The following DOCK2 variants were observed in gnomAD, a reference collection of about 807,000 sequenced individuals.
DOCK2 encodes dedicator of cytokinesis protein 2.
Under a neutral mutation model 248.9 loss-of-function variants are expected in DOCK2, and 87 were observed. That is an observed-to-expected ratio of 0.35 (90% CI 0.29 to 0.42). DOCK2 has a LOEUF of 0.42. Among genes scored for constraint, DOCK2 ranks in the 10% least tolerant of loss-of-function variants. The probability of loss-of-function intolerance (pLI) is 1.00; values close to 1 mark genes in which losing one functional copy is unlikely to be tolerated. For synonymous variants in DOCK2, 805 were observed against 821.6 expected (o/e 0.98, Z 0.35); for missense variants, 1,747 against 2,300.2 (o/e 0.76, Z 4.92).
At chr5:170,033,559 C>T (rs2113836416) in intron 34 of DOCK2, among the ~76,000 whole-genome samples, 1 of 152,280 alleles carries the variant, frequency 6.6e-6, no homozygotes, top group East Asian at 1.9e-4. Flanking sequence ...CACACACATG[C>T]AGTGTTCGGC....
chr5:169,858,682 G>C (rs1771018878), intron 27 of DOCK2, among the ~76,000 whole-genome samples: 2 of 152,138 alleles, frequency 1.3e-5, no homozygotes, highest in South Asian at 4.1e-4. Context: ...TGATTGCTTT[G>C]GCTGCTATGT....
rs1161268239 is a variant in DOCK2 at position 169,699,530 on chromosome 5, CA to C, written c.1132+76del. 2.8e-6 allele frequency: 4 copies of C among 1,444,464 alleles called. No individual in the cohort carries two copies. The Admixed American group carries it at 7.9e-5, about 29-fold the overall frequency. The allele number at this position is 1,444,464 out of a possible 1,614,324, so 89.5% of individuals were successfully genotyped here. A position where few individuals can be genotyped will look rare whatever the true frequency, so the allele number is the denominator to read the frequency against. ...GCCCCTAACTCTTCAGCAAATGAAT[CA>C]AAATCCTGAACCCTGGGATACTTAG... On this transcript the variant is annotated intron_variant, in intron 12 of 51. Coordinates refer to ENST00000520908, the MANE Select transcript of DOCK2 (RefSeq NM_004946.3).
At chr5:169,842,734 T>TG (rs1439644434) in intron 27 of DOCK2, among the ~76,000 whole-genome samples, 1 of 152,208 alleles carries the variant, frequency 6.6e-6, no homozygotes, top group African/African-American at 2.4e-5. Context: ...TTCTTTTAAA[T>TG]GGGGCCTGTG....
intron 35 of DOCK2, among the ~76,000 whole-genome samples, chr5:170,035,174 C>T (rs1376073517): frequency 6.6e-6 from 1 of 152,228 alleles, no homozygotes; most frequent in Non-Finnish European, 1.5e-5. Flanking sequence ...CAAGCAGCCT[C>T]TCTCACACGC....
chr5:170,082,762 A>G, intron 51 of DOCK2, 34 bp from the exon 52 acceptor site: 1 of 1,613,766 alleles, frequency 6.2e-7, no homozygotes, highest in Non-Finnish European at 8.5e-7. Flanking sequence ...TGATAATCGC[A>G]TCTTGGTTTT....
intron 26 of DOCK2, among the ~76,000 whole-genome samples, chr5:169,825,225 A>G (rs1487862681): frequency 1.3e-5 from 2 of 152,208 alleles, no homozygotes; most frequent in South Asian, 4.1e-4. Context: ...TTCCTCAGGG[A>G]TCTAGAACTA....
chr5:170,041,349 A>C (rs1123609), intron 37 of DOCK2, among the ~76,000 whole-genome samples: 17,594 of 152,208 alleles, frequency 0.12, 2,800 homozygotes, highest in African/African-American at 0.36. Context: ...CATTTAGCAA[A>C]AACAACCCCT....
At chr5:169,727,054 T>A (rs1292474701) in intron 22 of DOCK2, among the ~76,000 whole-genome samples, 11 of 144,710 alleles carry the variant, frequency 7.6e-5, no homozygotes, top group Admixed American at 7.1e-4. Context: ...AGTGATAGAG[T>A]GCGACCCTGT....
intron 27 of DOCK2, among the ~76,000 whole-genome samples, chr5:169,900,877 G>A (rs261055): frequency 0.18 from 27,902 of 151,894 alleles, 3,950 homozygotes; most frequent in African/African-American, 0.4. Context: ...ATAAAACCCA[G>A]CAAATCATCG....
At chr5:169,873,101 A>G (rs1006870759) in intron 27 of DOCK2, among the ~76,000 whole-genome samples, 2 of 152,204 alleles carry the variant, frequency 1.3e-5, no homozygotes, top group Non-Finnish European at 2.9e-5. Flanking sequence ...TTTTATATTT[A>G]TGGCATGTGT....
At chr5:169,826,428 C>T (rs186849054) in intron 26 of DOCK2, among the ~76,000 whole-genome samples, 11 of 152,044 alleles carry the variant, frequency 7.2e-5, no homozygotes, top group East Asian at 3.9e-4. Flanking sequence ...CTGGGGGGGA[C>T]GAGCTGACCA....
intron 27 of DOCK2, among the ~76,000 whole-genome samples, chr5:169,845,584 T>C (rs1378610260): frequency 6.6e-6 from 1 of 152,240 alleles, no homozygotes; most frequent in African/African-American, 2.4e-5. Context: ...TATTCTTGAA[T>C]GTGCTTTCCC....
chr5:169,664,483 TTC>T (rs2113247351), intron 2 of DOCK2, among the ~76,000 whole-genome samples: 1 of 152,352 alleles, frequency 6.6e-6, no homozygotes, highest in South Asian at 2.1e-4. Flanking sequence ...TTCTGTATTA[TTC>T]TGTTTTCACA....
chr5:169,912,884 G>A (rs148469756), intron 27 of DOCK2, among the ~76,000 whole-genome samples: 2,239 of 151,582 alleles, frequency 0.015, 52 homozygotes, highest in African/African-American at 0.051. Flanking sequence ...TACTTAATTA[G>A]CATTTATTGT....
At chr5:169,808,664 C>T (rs1767558690) in intron 26 of DOCK2, among the ~76,000 whole-genome samples, 1 of 152,176 alleles carries the variant, frequency 6.6e-6, no homozygotes, top group Non-Finnish European at 1.5e-5. Context: ...TCGTTCTGTG[C>T]TTTGCTGGCT....
intron 6 of DOCK2, 23 bp from the exon 7 acceptor site, chr5:169,681,721 C>A: frequency 6.2e-7 from 1 of 1,611,100 alleles, no homozygotes; most frequent in South Asian, 1.1e-5. Context: ...GATTTGTCTT[C>A]ACCTCCAGTT....
chr5:169,840,361 C>T (rs1769874711), intron 26 of DOCK2, among the ~76,000 whole-genome samples: 1 of 152,204 alleles, frequency 6.6e-6, no homozygotes, highest in Admixed American at 6.5e-5. Context: ...CGAGGCCCCA[C>T]CTCCAACACT....
chr5:170,032,746 G>T (rs1756185479), intron 34 of DOCK2, among the ~76,000 whole-genome samples: 1 of 152,188 alleles, frequency 6.6e-6, no homozygotes, highest in South Asian at 2.1e-4. Context: ...AGATGGATTT[G>T]TCTTATCACA....
At chr5:170,036,470 A>T in intron 35 of DOCK2, 45 bp from the exon 36 acceptor site, 1 of 1,595,324 alleles carries the variant, frequency 6.3e-7, no homozygotes. Context: ...CCGCTGTGAT[A>T]TTGCAGAGAA....
Sources: gnomAD v4.1 joint callset for allele counts (sites outside exome capture counted in the v4.1 genomes callset) on GRCh38, gnomAD v4.1.1 for gene constraint, MANE v1.5 for transcripts, NCBI Gene and HGNC (gene_info 2026-07-23, HGNC 2026-07-21) for gene names.